Variants in EMC8 observed in about 807,000 individuals in gnomAD.
EMC8 encodes COX4 neighbor.
Under a neutral mutation model 24.3 loss-of-function variants are expected in EMC8, and 11 were observed. That is an observed-to-expected ratio of 0.45 (90% CI 0.28 to 0.75). The LOEUF is 0.75. Ranked by LOEUF, EMC8 falls within the 30% of genes least tolerant of loss-of-function variation. The probability of loss-of-function intolerance (pLI) is 0.12; values close to 1 mark genes in which losing one functional copy is unlikely to be tolerated. For missense variants in EMC8, 277 were observed against 282.7 expected (o/e 0.98, Z 0.14); for synonymous variants, 145 against 117.7 (o/e 1.23, Z -1.50).
chr16:85,785,975 T>C (rs1462376650), intron 2 of EMC8, among the ~76,000 whole-genome samples: 1 of 152,164 alleles, frequency 6.6e-6, no homozygotes, highest in African/African-American at 2.4e-5. Flanking sequence ...ATGAATCATA[T>C]AATAAAACTT....
chr16:85,798,172 A>T (rs1010232572), intron 1 of EMC8, among the ~76,000 whole-genome samples: 3 of 115,548 alleles, frequency 2.6e-5, no homozygotes, highest in African/African-American at 1.0e-4. Context: ...CCCAGGCTGG[A>T]GTGCAGTGGC....
rs1422535639 is a variant in EMC8 at position 85,780,486 on chromosome 16, C to T, written c.379-13G>A. The T allele has an allele frequency of 1.9e-6, 3 of 1,603,096 alleles. No homozygotes were observed. Among genetic ancestry groups the T allele is most frequent in the Non-Finnish European group, 2.6e-6 (3 of 1,170,618 alleles). ...TGGTGTTGTCTACCTGAGCACAAGG[C>T]AAAGGACACGAGAGTGAACAGAATG... On this transcript the variant is annotated splice_polypyrimidine_tract_variant and intron_variant, in intron 3 of 4. Transcript: ENST00000253457.
intron 2 of EMC8, among the ~76,000 whole-genome samples, chr16:85,787,895 G>T (rs564542420): frequency 6.6e-6 from 1 of 152,316 alleles, no homozygotes; most frequent in South Asian, 2.1e-4. Flanking sequence ...AAACACTGGT[G>T]CCTCATCAGT....
intron 2 of EMC8, among the ~76,000 whole-genome samples, chr16:85,784,055 G>A (rs1238857332): frequency 6.6e-6 from 1 of 152,128 alleles, no homozygotes; most frequent in Non-Finnish European, 1.5e-5. Flanking sequence ...CTGGAGTGCA[G>A]TGGCGCGATC....
chr16:85,798,398 A>G (rs1905368212), intron 1 of EMC8, among the ~76,000 whole-genome samples: 1 of 152,150 alleles, frequency 6.6e-6, no homozygotes, highest in South Asian at 2.1e-4. Context: ...CTAGGATTAC[A>G]GGGGTCAGCC....
Position 85,779,563 on chromosome 16 carries a change from A to G in EMC8, c.*145T>C. 1 of 778,922 alleles carries G rather than the reference A, an allele frequency of 1.3e-6. No homozygotes were observed. Among genetic ancestry groups the G allele is most frequent in the East Asian group, 2.6e-5 (1 of 38,630 alleles). 48.3% of individuals were successfully genotyped at this position (778,922 alleles called of 1,614,324 possible). Reference sequence around the variant, plus strand: ...GTGTTAAAAACACGACCGACTGAACATTCTGCCCCCTTTCAAGGCACATGC... The same window carrying G: ...GTGTTAAAAACACGACCGACTGAACGTTCTGCCCCCTTTCAAGGCACATGC... On this transcript the variant is annotated 3_prime_UTR_variant, in exon 5 of 5. Coordinates refer to ENST00000253457, the MANE Select transcript of EMC8 (RefSeq NM_006067.5).
At chr16:85,786,561 G>C (rs1022447262) in intron 2 of EMC8, among the ~76,000 whole-genome samples, 1 of 152,136 alleles carries the variant, frequency 6.6e-6, no homozygotes, top group South Asian at 2.1e-4. Flanking sequence ...TGGGCACAGC[G>C]GGGGAGGGGG....
chr16:85,799,152 G>C lies in EMC8; in HGVS notation c.144C>G (p.Gly48=). Residue 48 remains glycine, a synonymous_variant, in exon 1 of 5, where the codon GGC becomes GGG. Coordinates refer to ENST00000253457, the MANE Select transcript of EMC8 (RefSeq NM_006067.5). This position sits in a 1 kb window ranked among gnomAD's most constrained non-coding sequence, Gnocchi z 4.2. ...RKEHLPLGGP[G]AHHTLFVDCI... is the part of the protein sequence containing the mutation. ...AGTCCACGAAGAGGGTGTGGTGGGC[G>C]CCGGGGCCGCCCAGGGGGAGGTGCT... 1 of 1,605,948 alleles carries C rather than the reference G, an allele frequency of 6.2e-7. No individual in the cohort carries two copies. Among genetic ancestry groups the C allele is most frequent in the Non-Finnish European group, 8.5e-7 (1 of 1,176,584 alleles).
At chr16:85,791,216 T>C (rs758095259) in intron 1 of EMC8, among the ~76,000 whole-genome samples, 13 of 152,244 alleles carry the variant, frequency 8.5e-5, no homozygotes, top group Non-Finnish European at 1.5e-4. Context: ...TTAGAATTTT[T>C]AATGCATACA....
chr16:85,797,339 TG>T (rs1278718842), intron 1 of EMC8, among the ~76,000 whole-genome samples: 3 of 151,448 alleles, frequency 2.0e-5, no homozygotes. Flanking sequence ...ATCTGGGAGG[TG>T]GAAGTTGCAG....
chr16:85,791,227 T>C (rs896313815), intron 1 of EMC8, among the ~76,000 whole-genome samples: 8 of 152,214 alleles, frequency 5.3e-5, no homozygotes, highest in Non-Finnish European at 1.2e-4. Context: ...AATGCATACA[T>C]TTTTTGGATT....
At chr16:85,798,936 T>C in intron 1 of EMC8, 129 bp downstream of exon 1, 1 of 642,924 alleles carries the variant, frequency 1.6e-6, no homozygotes, top group Non-Finnish European at 2.7e-6. Context: ...ACCCCATTCC[T>C]GGCCACGGCA....
intron 1 of EMC8, among the ~76,000 whole-genome samples, chr16:85,798,006 C>T (rs1196841718): frequency 6.6e-6 from 1 of 151,892 alleles, no homozygotes; most frequent in Non-Finnish European, 1.5e-5. Context: ...TACCTGCATG[C>T]TACATCTTTT....
Position 85,788,697 on chromosome 16 carries a change from CA to C in EMC8, c.308+276del, listed in dbSNP as rs201917040. On this transcript the variant is annotated intron_variant, in intron 2 of 4. Transcript: ENST00000253457. ...GAAGCAAGGCAGAGCTGAGCAGGGA[CA>C]GAAGTCGGAAGCCAACTGTCGCTTT... Among the ~76,000 whole-genome samples, 1,053 of 152,360 alleles carry C rather than the reference CA, an allele frequency of 6.9e-3. 8 individuals carry two copies. Among genetic ancestry groups the C allele is most frequent in the Middle Eastern group, 0.041 (12 of 294 alleles).
rs74527097 is a variant in EMC8, at chr16:85,796,190, C to G, written c.231+2875G>C. 7.2e-5 allele frequency among the ~76,000 whole-genome samples: 11 copies of G among 152,190 alleles called. No individual in the cohort carries two copies. The East Asian group carries it at 2.1e-3, about 29-fold the overall frequency. ...TTTGAACATCTCAAACTTAACATACCCCAAACAGAAGTAATCACCTCCCCT... is the reference window on the plus strand; with the variant it reads ...TTTGAACATCTCAAACTTAACATACGCCAAACAGAAGTAATCACCTCCCCT... On this transcript the variant is annotated intron_variant, in intron 1 of 4. Transcript: ENST00000253457.
In EMC8 at chr16:85,780,367, G is replaced by A. The variant is rs780166513; in HGVS notation, c.473+12C>T. 6.2e-7 allele frequency: 1 copy of A among 1,608,752 alleles called. No homozygotes were observed. The highest frequency in any genetic ancestry group is 1.7e-5 in the Admixed American group (1 of 60,000). On this transcript the variant is annotated intron_variant, in intron 4 of 4. Transcript: ENST00000253457. ...GGAGCCCAGCCCGCGCGGCAGCATG[G>A]GGCGCACTCACTGGTGTGGGTCTCT...
chr16:85,785,004 G>C (rs928329695), intron 2 of EMC8: 2 of 152,258 alleles, frequency 1.3e-5, no homozygotes, highest in African/African-American at 4.8e-5. Context: ...CTGGAGTACA[G>C]TGGCGAGATC....
chr16:85,794,582 G>C (rs1905165036), intron 1 of EMC8, among the ~76,000 whole-genome samples: 2 of 152,168 alleles, frequency 1.3e-5, no homozygotes. Context: ...CCAGCTACTT[G>C]GGAGGCTGAG....
chr16:85,779,259 G>A lies in EMC8; in HGVS notation c.*449C>T, dbSNP rs751944723. The A allele has an allele frequency of 6.1e-6, 1 of 164,732 alleles. No individual in the cohort carries two copies. Among genetic ancestry groups the A allele is most frequent in the Non-Finnish European group, 1.3e-5 (1 of 75,638 alleles). The allele number at this position is 164,732 out of a possible 1,614,324, so 10.2% of individuals were successfully genotyped here. ...ACTCCACGTGTCTACCCTGATCCCA[G>A]GACGCCTGGACGACATCAAAATTCA... is the stretch of plus-strand genomic sequence containing the variant. On this transcript the variant is annotated 3_prime_UTR_variant, in exon 5 of 5. Transcript: ENST00000253457.
Sources: allele counts gnomAD v4.1 joint callset (sites outside exome capture counted in the v4.1 genomes callset), GRCh38; gene constraint gnomAD v4.1.1; non-coding constraint Gnocchi (gnomAD v3.1); transcripts MANE v1.5; gene names NCBI Gene and HGNC (gene_info 2026-07-23, HGNC 2026-07-21).